Variants in TLL2 observed in about 807,000 individuals in gnomAD.
The protein encoded by TLL2 is tolloid-like protein 2.
Under a neutral mutation model 123.0 loss-of-function variants are expected in TLL2, and 106 were observed. That is an observed-to-expected ratio of 0.86 (90% CI 0.74 to 1.01). TLL2 has a LOEUF of 1.01. Ranked by LOEUF, TLL2 falls within the 50% of genes least tolerant of loss-of-function variation. TLL2 has a pLI of 0.00. For missense variants in TLL2, 1,332 were observed against 1,336.7 expected, an observed-to-expected ratio of 1.00 and a Z score of 0.06; for synonymous variants, 494 against 516.8, an observed-to-expected ratio of 0.96 and a Z score of 0.60.
At chr10:96,384,965 G>C (rs1846219844) in intron 15 of TLL2, among the ~76,000 whole-genome samples, 198 bp from the exon 16 acceptor site, 3 of 152,254 alleles carry the variant, frequency 2.0e-5, no homozygotes, top group African/African-American at 7.2e-5. Context: ...CTGAGGCTCT[G>C]TGGGGGTGCC....
rs758857327 is a variant in TLL2 at position 96,405,265 on chromosome 10, G to A, written c.1234C>T (p.Arg412Trp). ...GGGGCTTTTCTCCAGTAACCATCCC[G>A]GACCTCCACGTAATCATACCAGCAC... Reference protein sequence around the residue: ...RLCWYDYVEVRDGYWRKAPLL... With the variant: ...RLCWYDYVEVWDGYWRKAPLL... Residue 412 changes from arginine to tryptophan, a missense_variant, in exon 10 of 21, where the codon CGG (arginine) becomes TGG (tryptophan). Arg to Trp is a moderately radical substitution (Grantham distance 101). Transcript: ENST00000357947. 41 of 1,613,916 alleles carry A rather than the reference G, an allele frequency of 2.5e-5. No homozygotes were observed. Among genetic ancestry groups the A allele is most frequent in the South Asian group, 3.3e-5 (3 of 91,074 alleles).
At chr10:96,493,060 C>T (rs1389640864) in intron 1 of TLL2, among the ~76,000 whole-genome samples, 1 of 152,180 alleles carries the variant, frequency 6.6e-6, no homozygotes, top group African/African-American at 2.4e-5. Context: ...GACCAGTGCA[C>T]TGAAGAGAAA....
At position 96,386,074 on chromosome 10, in the gene TLL2, A is replaced by G; in HGVS notation, c.1994T>C (p.Phe665Ser). 6.2e-7 allele frequency: 1 copy of G among 1,606,034 alleles called. No homozygotes were observed. The highest frequency in any genetic ancestry group is 1.7e-5 in the Admixed American group (1 of 58,754). The change falls in exon 15 of 21, where the codon TTT becomes TCT. Residue 665 changes from phenylalanine to serine, a missense_variant. Transcript: ENST00000357947. ...QYRISLQFEV[F>S]ELEGNDVCKY... ...ACATACGTCATTGCCTTCCAGTTCAAACACTTCAAACTGAAGGGAGATCCG... is the reference window on the plus strand; with the variant it reads ...ACATACGTCATTGCCTTCCAGTTCAGACACTTCAAACTGAAGGGAGATCCG...
chr10:96,469,094 C>T (rs1324614220), intron 2 of TLL2, among the ~76,000 whole-genome samples: 3 of 152,268 alleles, frequency 2.0e-5, no homozygotes, highest in African/African-American at 7.2e-5. Flanking sequence ...ACATCCCCCT[C>T]CTTTCCAGCT....
At chr10:96,420,076 C>T (rs991976031) in intron 7 of TLL2, among the ~76,000 whole-genome samples, 1 of 152,128 alleles carries the variant, frequency 6.6e-6, no homozygotes, top group Non-Finnish European at 1.5e-5. Context: ...TCATTTTTAT[C>T]TCATGTGTAT....
At chr10:96,470,099 CA>C (rs1267686085) in intron 2 of TLL2, among the ~76,000 whole-genome samples, 2 of 152,160 alleles carry the variant, frequency 1.3e-5, no homozygotes, top group Non-Finnish European at 2.9e-5. Flanking sequence ...CCACATTTTC[CA>C]TCTGAGAATC....
rs558174477 is a variant in TLL2, at chr10:96,400,007, C to T, written c.1268-2705G>A. ...TTCGTAGAACAAATTACAAATTATT[C>T]CTAAGCACTCTCCCCAAATCACTTT... is the stretch of plus-strand genomic sequence containing the variant. On this transcript the variant is annotated intron_variant, in intron 10 of 20. Transcript: ENST00000357947. Among the ~76,000 whole-genome samples, 33 of 152,296 alleles carry T rather than the reference C, an allele frequency of 2.2e-4. 2 individuals are homozygous for T. The South Asian group carries it at 6.8e-3, about 32-fold the overall frequency.
chr10:96,394,590 A>G (rs992103901), intron 13 of TLL2, among the ~76,000 whole-genome samples: 1 of 152,190 alleles, frequency 6.6e-6, no homozygotes, highest in Non-Finnish European at 1.5e-5. Flanking sequence ...TGTGGGGGTA[A>G]GCATGTAGTC....
intron 2 of TLL2, among the ~76,000 whole-genome samples, chr10:96,448,857 A>G (rs1329323737): frequency 6.6e-6 from 1 of 152,098 alleles, no homozygotes; most frequent in Non-Finnish European, 1.5e-5. Context: ...GGTCTGGAGA[A>G]TCTGCTCATA....
chr10:96,488,800 T>A (rs907123334), intron 1 of TLL2, among the ~76,000 whole-genome samples: 3 of 152,134 alleles, frequency 2.0e-5, no homozygotes, highest in Admixed American at 2.0e-4. Context: ...GGACCACTCA[T>A]AACAATGGTG....
At chr10:96,393,222 G>T (rs1280959574) in intron 13 of TLL2, among the ~76,000 whole-genome samples, 2 of 152,222 alleles carry the variant, frequency 1.3e-5, no homozygotes, top group South Asian at 2.1e-4. Flanking sequence ...TAATAAGTGT[G>T]CATTGTTTTA....
At chr10:96,397,114 G>T in intron 11 of TLL2, 72 bp downstream of exon 11, 2 of 1,386,180 alleles carry the variant, frequency 1.4e-6, no homozygotes, top group Non-Finnish European at 1.0e-6. Flanking sequence ...GCTGGGAGAG[G>T]GACAGTGGGC....
intron 2 of TLL2, among the ~76,000 whole-genome samples, chr10:96,476,240 A>ATTTTTTTTTTTT (rs1554939630): frequency 9.8e-5 from 2 of 20,486 alleles, no homozygotes; most frequent in Non-Finnish European, 2.0e-4. Flanking sequence ...ATATATATAT[A>ATTTTTTTTTTTT]TTTTATTTTT....
intron 10 of TLL2, among the ~76,000 whole-genome samples, chr10:96,401,460 G>A (rs1281159305): frequency 3.3e-5 from 5 of 150,952 alleles, no homozygotes; most frequent in Admixed American, 1.3e-4. Flanking sequence ...GTTGGCAAAG[G>A]AGAACTGCAA....
At chr10:96,468,392 G>A (rs544965749) in intron 2 of TLL2, among the ~76,000 whole-genome samples, 29 of 152,290 alleles carry the variant, frequency 1.9e-4, no homozygotes, top group Middle Eastern at 6.8e-3. Flanking sequence ...TGCAAGAAGA[G>A]GAGACAAAAC....
At chr10:96,403,187 G>A (rs74416094) in intron 10 of TLL2, among the ~76,000 whole-genome samples, 3,995 of 152,196 alleles carry the variant, frequency 0.026, 198 homozygotes, top group African/African-American at 0.091. Flanking sequence ...TGGGCTGAAT[G>A]AGTCCTAGTG....
chr10:96,397,032 G>A (rs529470180), intron 11 of TLL2, among the ~76,000 whole-genome samples, 154 bp downstream of exon 11: 21 of 152,176 alleles, frequency 1.4e-4, no homozygotes, highest in Non-Finnish European at 2.9e-4. Flanking sequence ...TTGCAGGAGG[G>A]GCTGTGGAAT....
chr10:96,370,949 A>AAACAAAGGACAGT lies in TLL2; in HGVS notation c.2663-635_2663-634insACTGTCCTTTGTT, dbSNP rs531690042. 9.1e-4 allele frequency among the ~76,000 whole-genome samples: 138 copies of AAACAAAGGACAGT among 152,268 alleles called. 4 individuals are homozygous for AAACAAAGGACAGT. In the East Asian group the frequency reaches 0.021, roughly 24 times the overall value. On this transcript the variant is annotated intron_variant, in intron 19 of 20. Coordinates refer to ENST00000357947, the MANE Select transcript of TLL2 (RefSeq NM_012465.4). ...GCCTTTGTTTCTGGGTTTTTTCATTATACAAGGACAGTAACTCTGGTTGGC... is the reference window on the plus strand; with the variant it reads ...GCCTTTGTTTCTGGGTTTTTTCATTAAACAAAGGACAGTTACAAGGACAGTAACTCTGGTTGGC...
At chr10:96,403,623 G>A (rs989992435) in intron 10 of TLL2, among the ~76,000 whole-genome samples, 6 of 152,188 alleles carry the variant, frequency 3.9e-5, no homozygotes, top group Non-Finnish European at 7.3e-5. Context: ...GTCTCCCCAT[G>A]TGATAGTCTG....
Sources: gnomAD v4.1 joint callset for allele counts (sites outside exome capture counted in the v4.1 genomes callset) on GRCh38, gnomAD v4.1.1 for gene constraint, MANE v1.5 for transcripts, NCBI Gene and HGNC (gene_info 2026-07-23, HGNC 2026-07-21) for gene names.